The following RP1 variants were observed in gnomAD, a reference collection of about 807,000 sequenced individuals.
The protein encoded by RP1 is oxygen-regulated protein 1.
RP1 carries 16 observed loss-of-function variants against 14.8 expected under a neutral mutation model. That is an observed-to-expected ratio of 1.08 (90% confidence interval 0.73 to 1.65). The LOEUF is 1.65. Ranked by LOEUF, RP1 falls within the 40% of genes most tolerant of loss-of-function variation. The probability of loss-of-function intolerance (pLI) is 0.00; values close to 1 mark genes in which losing one functional copy is unlikely to be tolerated. For missense variants in RP1, 2,631 were observed against 2,535.0 expected, an observed-to-expected ratio of 1.04 and a Z score of -0.81; for synonymous variants, 876 against 883.6, an observed-to-expected ratio of 0.99 and a Z score of 0.15.
intron 24 of RP1, among the ~76,000 whole-genome samples, chr8:54,791,054 T>C (rs1011778073): frequency 4.6e-5 from 7 of 152,150 alleles, no homozygotes; most frequent in African/African-American, 1.7e-4. Context: ...AAGCAAATTA[T>C]AAATAAATTG....
At chr8:54,590,590 C>A (rs1805024235) in intron 1 of RP1, among the ~76,000 whole-genome samples, 1 of 152,184 alleles carries the variant, frequency 6.6e-6, no homozygotes, top group African/African-American at 2.4e-5. Flanking sequence ...TCCTCCTCTA[C>A]AAGACCTTGC....
Position 54,627,612 on chromosome 8 carries a change from G to T in RP1, c.3730G>T (p.Ala1244Ser). 1 of 1,614,184 alleles carries T rather than the reference G, an allele frequency of 6.2e-7. No individual in the cohort carries two copies. The highest frequency in any genetic ancestry group is 8.5e-7 in the Non-Finnish European group (1 of 1,179,992). ...GGATGGAGGTTGCTCTGCCAGTGAG[G>T]CATGTGCCCCTGAAGTCTGTGTTTT... Reference protein sequence around the residue: ...SLDGGCSASEACAPEVCVLEV... With the variant: ...SLDGGCSASESCAPEVCVLEV... Residue 1244 changes from alanine (A) to serine (S), a missense_variant, in exon 4 of 4, where the codon GCA becomes TCA. Physicochemically the swap from Ala to Ser is moderately conservative, Grantham distance 99. Coordinates refer to ENST00000220676, the MANE Select transcript of RP1 (RefSeq NM_006269.2).
In RP1 at chr8:54,622,108, C is replaced by T; in HGVS notation, c.616-9C>T. ...CTCATCTCAGGATAATGACTCTGGT[C>T]TCTTTTAGGTTCCCAGCCTCCAGGC... On this transcript the variant is annotated splice_polypyrimidine_tract_variant and intron_variant, in intron 2 of 3. Coordinates refer to ENST00000220676, the MANE Select transcript of RP1 (RefSeq NM_006269.2). 1.2e-6 allele frequency: 2 copies of T among 1,614,006 alleles called. No homozygotes were observed. Among genetic ancestry groups the T allele is most frequent in the Non-Finnish European group, 1.7e-6 (2 of 1,179,940 alleles).
chr8:54,723,102 C>T (rs1808572432), intron 16 of RP1, among the ~76,000 whole-genome samples: 1 of 152,166 alleles, frequency 6.6e-6, no homozygotes, highest in Admixed American at 6.5e-5. Flanking sequence ...CAGTGGTATG[C>T]TTTCACAGCT....
intron 24 of RP1, among the ~76,000 whole-genome samples, chr8:54,796,801 A>G (rs1283794925): frequency 1.3e-5 from 2 of 152,178 alleles, no homozygotes; most frequent in African/African-American, 4.8e-5. Flanking sequence ...CCAGTTTGTT[A>G]TGAAAACCCT....
At chr8:54,672,172 A>T (rs1176533182) in intron 7 of RP1, among the ~76,000 whole-genome samples, 2 of 152,212 alleles carry the variant, frequency 1.3e-5, no homozygotes, top group Non-Finnish European at 2.9e-5. Context: ...TGTTGAAAAG[A>T]CAGGCTGCAG....
intron 22 of RP1, among the ~76,000 whole-genome samples, chr8:54,761,259 C>T (rs550788112): frequency 8.1e-4 from 95 of 116,832 alleles, no homozygotes; most frequent in Non-Finnish European, 1.2e-3. Context: ...TTTTTTGAGA[C>T]GGAGTCTTGC....
intron 22 of RP1, among the ~76,000 whole-genome samples, chr8:54,765,199 C>T (rs949181463): frequency 3.3e-5 from 5 of 152,264 alleles, no homozygotes; most frequent in African/African-American, 1.2e-4. Flanking sequence ...ATTGTCCTTG[C>T]TTAATTGCCT....
intron 16 of RP1, among the ~76,000 whole-genome samples, chr8:54,721,958 T>C (rs978233719): frequency 6.6e-6 from 1 of 152,152 alleles, no homozygotes; most frequent in Non-Finnish European, 1.5e-5. Flanking sequence ...TAAAAGTTTG[T>C]AGGGCCGGGC....
At chr8:54,579,742 G>A (rs959910940) in intron 1 of RP1, among the ~76,000 whole-genome samples, 5 of 152,204 alleles carry the variant, frequency 3.3e-5, no homozygotes, top group African/African-American at 9.6e-5. Flanking sequence ...TAGAGAAGCA[G>A]GGACCTCTCT....
At chr8:54,589,833 T>C (rs540221708) in intron 1 of RP1, among the ~76,000 whole-genome samples, 7 of 152,346 alleles carry the variant, frequency 4.6e-5, no homozygotes, top group South Asian at 2.1e-4. Flanking sequence ...TAATTTCCAC[T>C]GCCACTGGAA....
At chr8:54,789,389 C>A (rs1254856610) in intron 24 of RP1, among the ~76,000 whole-genome samples, 2 of 152,182 alleles carry the variant, frequency 1.3e-5, no homozygotes, top group African/African-American at 4.8e-5. Context: ...AATGACCCTG[C>A]CTGACTCTGG....
In RP1 at chr8:54,741,707, G is replaced by GCATA. The variant is rs1554528861; in HGVS notation, c.2808+2678_2808+2679insCATA. Among the ~76,000 whole-genome samples the GCATA allele has an allele frequency of 2.4e-3, 139 of 58,046 alleles. 1 individual carries two copies. Among genetic ancestry groups the GCATA allele is most frequent in the Non-Finnish European group, 3.9e-3 (123 of 31,648 alleles). 38.1% of individuals were successfully genotyped at this position (58,046 alleles called of 152,430 possible). On this transcript the variant is annotated intron_variant, in intron 19 of 22. Coordinates refer to the RP1 transcript ENST00000636932. ...TGTACATATAAATACAAATGTGTGT[G>GCATA]TATATATATATATATATATATATAT... is the stretch of plus-strand genomic sequence containing the variant.
chr8:54,573,424 A>T (rs890306698), intron 1 of RP1, among the ~76,000 whole-genome samples: 1 of 152,216 alleles, frequency 6.6e-6, no homozygotes, highest in African/African-American at 2.4e-5. Flanking sequence ...GACCAAAAAT[A>T]AAAACCTCAG....
chr8:54,716,258 G>A (rs1020089857), intron 15 of RP1, among the ~76,000 whole-genome samples: 1 of 151,936 alleles, frequency 6.6e-6, no homozygotes, highest in South Asian at 2.1e-4. Context: ...TTTGACTGAT[G>A]GATTTCTTTT....
At chr8:54,679,247 T>G (rs1807367314) in intron 9 of RP1, among the ~76,000 whole-genome samples, 1 of 152,210 alleles carries the variant, frequency 6.6e-6, no homozygotes, top group African/African-American at 2.4e-5. Context: ...CTTGCAGTCT[T>G]AGAGTCATTT....
intron 14 of RP1, among the ~76,000 whole-genome samples, chr8:54,705,027 T>C (rs764962129): frequency 6.6e-6 from 1 of 152,186 alleles, no homozygotes; most frequent in African/African-American, 2.4e-5. Flanking sequence ...TTTAAGGCTC[T>C]GGGAACATAC....
intron 24 of RP1, among the ~76,000 whole-genome samples, chr8:54,833,298 C>A (rs1027343833): frequency 6.6e-6 from 1 of 151,852 alleles, no homozygotes; most frequent in Non-Finnish European, 1.5e-5. Context: ...ATGCAAAAAG[C>A]TATACAAATA....
chr8:54,825,595 G>T (rs1487862669), intron 24 of RP1, among the ~76,000 whole-genome samples: 1 of 152,202 alleles, frequency 6.6e-6, no homozygotes, highest in Non-Finnish European at 1.5e-5. Flanking sequence ...CTGTTAGGTG[G>T]AGTGTTCTAT....
Sources: allele counts gnomAD v4.1 joint callset (sites outside exome capture counted in the v4.1 genomes callset), GRCh38; gene constraint gnomAD v4.1.1; transcripts MANE v1.5; gene names NCBI Gene and HGNC (gene_info 2026-07-23, HGNC 2026-07-21).